Variants in SLC9C2 observed in about 807,000 individuals in gnomAD.
The protein encoded by SLC9C2 is sodium/hydrogen exchanger 11.
SLC9C2 carries 75 observed loss-of-function variants against 140.2 expected under a neutral mutation model. That is an observed-to-expected ratio of 0.53 (90% confidence interval 0.44 to 0.65). The LOEUF is 0.65. Among genes scored for constraint, SLC9C2 ranks in the 30% least tolerant of loss-of-function variants. SLC9C2 has a pLI of 0.00. For synonymous variants in SLC9C2, 375 were observed against 420.9 expected (o/e 0.89, Z 1.34); for missense variants, 1,074 against 1,331.8 (o/e 0.81, Z 3.01).
At chr1:173,590,163 A>C (rs1666074987) in intron 4 of SLC9C2, among the ~76,000 whole-genome samples, 1 of 151,870 alleles carries the variant, frequency 6.6e-6, no homozygotes, top group African/African-American at 2.4e-5. Flanking sequence ...GAATTGCTTG[A>C]ACCCAGGAAG....
chr1:173,554,676 A>G (rs1663548754), intron 11 of SLC9C2, 57 bp downstream of exon 11: 2 of 1,121,668 alleles, frequency 1.8e-6, no homozygotes, highest in Admixed American at 3.6e-5. Context: ...GACACCCAAC[A>G]ATAACCTGTT....
chr1:173,525,880 G>A (rs572095016), intron 19 of SLC9C2, among the ~76,000 whole-genome samples: 19 of 152,240 alleles, frequency 1.2e-4, no homozygotes, highest in Middle Eastern at 3.4e-3. Context: ...ATGGGTCATG[G>A]GTTTTCTGAG....
intron 15 of SLC9C2, 93 bp downstream of exon 15, chr1:173,535,737 T>G: frequency 2.2e-6 from 3 of 1,352,664 alleles, no homozygotes; most frequent in Non-Finnish European, 2.9e-6. Flanking sequence ...ATATAGTTTT[T>G]CTCAAATAAG....
chr1:173,592,036 T>C (rs995340576), intron 4 of SLC9C2, among the ~76,000 whole-genome samples: 12 of 152,224 alleles, frequency 7.9e-5, no homozygotes, highest in Non-Finnish European at 1.5e-4. Context: ...CTTGAGTTGA[T>C]TTTTGTATAT....
chr1:173,579,635 A>C (rs528578303), intron 7 of SLC9C2, among the ~76,000 whole-genome samples: 1 of 152,254 alleles, frequency 6.6e-6, no homozygotes, highest in African/African-American at 2.4e-5. Context: ...AATCAGCTTC[A>C]AAGTCTTATG....
At chr1:173,533,385 C>T (rs776305096) in intron 17 of SLC9C2, among the ~76,000 whole-genome samples, 44 of 152,156 alleles carry the variant, frequency 2.9e-4, no homozygotes, top group Non-Finnish European at 1.6e-4. Flanking sequence ...CTCAAGCGAT[C>T]CTCCCACCTC....
At chr1:173,517,967 A>C (rs1036082702) in intron 22 of SLC9C2, among the ~76,000 whole-genome samples, 8 of 152,214 alleles carry the variant, frequency 5.3e-5, no homozygotes, top group Non-Finnish European at 8.8e-5. Flanking sequence ...TCTTATACAA[A>C]AATCCCACCA....
intron 13 of SLC9C2, among the ~76,000 whole-genome samples, chr1:173,544,451 G>A (rs182499770): frequency 1.2e-4 from 18 of 152,230 alleles, no homozygotes; most frequent in Admixed American, 4.6e-4. Context: ...ACAGTGTGGC[G>A]ATTCCTCAAG....
intron 9 of SLC9C2, among the ~76,000 whole-genome samples, chr1:173,571,292 T>A: frequency 6.6e-6 from 1 of 152,188 alleles, no homozygotes; most frequent in East Asian, 1.9e-4. Context: ...GTTCTTTCTC[T>A]TACTTTTTTT....
Position 173,599,362 on chromosome 1 carries a change from ATTTTTTTTTTTTTTT to A in SLC9C2, c.228+740_228+754del, listed in dbSNP as rs61579339. On this transcript the variant is annotated intron_variant, in intron 3 of 27. Coordinates refer to ENST00000367714, the MANE Select transcript of SLC9C2 (RefSeq NM_178527.4). The stretch of plus-strand genomic sequence containing the variant: ...CAAGAGCGCAAACACATTTTCCTTG[ATTTTTTTTTTTTTTT>A]TTTTTTTTTTTTTTTGAGACGGAGT... Among the ~76,000 whole-genome samples, 6 of 68,126 alleles carry A rather than the reference ATTTTTTTTTTTTTTT, an allele frequency of 8.8e-5. No homozygotes were observed. The South Asian group carries it at 4.8e-3, about 54-fold the overall frequency. The allele number at this position is 68,126 out of a possible 152,430, so 44.7% of individuals were successfully genotyped here.
At position 173,597,877 on chromosome 1, in the gene SLC9C2, C is replaced by T. The variant is rs16846267; in HGVS notation, c.357+27G>A. On this transcript the variant is annotated intron_variant, in intron 4 of 27. Coordinates refer to ENST00000367714, the MANE Select transcript of SLC9C2 (RefSeq NM_178527.4). ...TCAACGTGCATAAGCAAGAATTGAT[C>T]GTACTTTGTTTTAAATGTGTTCTTA... 6.8e-3 allele frequency: 10,561 copies of T among 1,550,444 alleles called. 1,039 individuals are homozygous for T. In the Admixed American group the frequency reaches 0.18, roughly 27 times the overall value.
chr1:173,541,921 T>C (rs1180256177), intron 13 of SLC9C2, among the ~76,000 whole-genome samples: 1 of 151,986 alleles, frequency 6.6e-6, no homozygotes, highest in Admixed American at 6.6e-5. Context: ...AGATCTAAAA[T>C]CAATACCCTA....
At chr1:173,594,277 T>C (rs901992084) in intron 4 of SLC9C2, among the ~76,000 whole-genome samples, 2 of 152,186 alleles carry the variant, frequency 1.3e-5, no homozygotes, top group Admixed American at 1.3e-4. Context: ...AACAGCAATA[T>C]ACTATATAGT....
At chr1:173,583,956 T>A (rs767241023) in intron 5 of SLC9C2, among the ~76,000 whole-genome samples, 210 of 152,250 alleles carry the variant, frequency 1.4e-3, no homozygotes, top group Non-Finnish European at 2.5e-3. Context: ...ATAACCTCAT[T>A]TTAGAAATAA....
At chr1:173,559,840 G>A (rs545138640) in intron 9 of SLC9C2, among the ~76,000 whole-genome samples, 1 of 152,300 alleles carries the variant, frequency 6.6e-6, no homozygotes, top group South Asian at 2.1e-4. Context: ...GTTCCAAACA[G>A]GAGGTATAGG....
chr1:173,574,345 C>A (rs1454688052), intron 8 of SLC9C2, among the ~76,000 whole-genome samples: 1 of 152,146 alleles, frequency 6.6e-6, no homozygotes, highest in Non-Finnish European at 1.5e-5. Flanking sequence ...CAGCATTACC[C>A]CAATCAAGGA....
At chr1:173,541,574 T>C (rs1260933291) in intron 13 of SLC9C2, among the ~76,000 whole-genome samples, 1 of 152,100 alleles carries the variant, frequency 6.6e-6, no homozygotes, top group African/African-American at 2.4e-5. Flanking sequence ...CAGCACCACA[T>C]CACACTTATT....
At chr1:173,573,408 A>G in intron 8 of SLC9C2, 83 bp from the exon 9 acceptor site, 1 of 1,012,324 alleles carries the variant, frequency 9.9e-7, no homozygotes, top group Non-Finnish European at 1.4e-6. Context: ...CATATATCTT[A>G]TATCTACCAT....
At chr1:173,508,375 T>G (rs905634545) in intron 24 of SLC9C2, among the ~76,000 whole-genome samples, 27 of 152,196 alleles carry the variant, frequency 1.8e-4, no homozygotes, top group African/African-American at 6.0e-4. Context: ...ATAATGAATA[T>G]GTGTTGCTTG....
Sources: allele counts gnomAD v4.1 joint callset (sites outside exome capture counted in the v4.1 genomes callset), GRCh38; gene constraint gnomAD v4.1.1; transcripts MANE v1.5; gene names NCBI Gene and HGNC (gene_info 2026-07-23, HGNC 2026-07-21).